DRD2: variants seen among roughly 807,000 people sequenced by gnomAD.
DRD2 encodes the protein dopamine receptor D2, also known as D(2) dopamine receptor.
DRD2 carries 8 observed loss-of-function variants against 38.0 expected under a neutral mutation model. The ratio of observed to expected loss-of-function variants is 0.21; its 90% CI spans 0.12 to 0.38. DRD2 has a LOEUF of 0.38. Ranked by LOEUF, DRD2 falls within the 10% of genes least tolerant of loss-of-function variation. The probability of loss-of-function intolerance (pLI) is 1.00; values close to 1 mark genes in which losing one functional copy is unlikely to be tolerated. For synonymous variants in DRD2, 230 were observed against 238.6 expected, an observed-to-expected ratio of 0.96 and a Z score of 0.33; for missense variants, 403 against 607.7, an observed-to-expected ratio of 0.66 and a Z score of 3.54.
At chr11:113,433,239 A>AG (rs1202130567) in intron 1 of DRD2, among the ~76,000 whole-genome samples, 7 of 152,174 alleles carry the variant, frequency 4.6e-5, no homozygotes, top group Non-Finnish European at 8.8e-5. Context: ...CCGAGTGCAC[A>AG]GGGGAGTGGG....
chr11:113,433,604 C>T (rs1276063827), intron 1 of DRD2, among the ~76,000 whole-genome samples: 1 of 152,194 alleles, frequency 6.6e-6, no homozygotes, highest in African/African-American at 2.4e-5. Flanking sequence ...CAGCAGAGCT[C>T]AGGGACCGCG....
intron 1 of DRD2, among the ~76,000 whole-genome samples, chr11:113,445,333 T>C (rs1485647842): frequency 2.0e-5 from 3 of 152,228 alleles, no homozygotes; most frequent in African/African-American, 4.8e-5. Context: ...CATCACTCTG[T>C]GGTTATATAA....
chr11:113,465,997 A>C (rs1951365427), intron 1 of DRD2, among the ~76,000 whole-genome samples: 1 of 152,206 alleles, frequency 6.6e-6, no homozygotes, highest in Non-Finnish European at 1.5e-5. Context: ...CACAAAACCC[A>C]ATCAGGTAAG....
At chr11:113,434,890 G>C (rs1018127650) in intron 1 of DRD2, among the ~76,000 whole-genome samples, 7 of 152,086 alleles carry the variant, frequency 4.6e-5, no homozygotes, top group African/African-American at 9.7e-5. Context: ...GTGTCCCCAG[G>C]GGGAGGCTGG....
chr11:113,457,018 G>C (rs1455186393), intron 1 of DRD2, among the ~76,000 whole-genome samples: 1 of 152,132 alleles, frequency 6.6e-6, no homozygotes, highest in Non-Finnish European at 1.5e-5. Context: ...GGGCCTCCAT[G>C]TGCAGCATTT....
chr11:113,456,361 ATAGT>A (rs1414726453), intron 1 of DRD2, among the ~76,000 whole-genome samples: 4 of 152,214 alleles, frequency 2.6e-5, no homozygotes, highest in African/African-American at 9.6e-5. Flanking sequence ...CAACATGACT[ATAGT>A]TAGTAATGAC....
At chr11:113,414,246 G>A in intron 6 of DRD2, 129 bp downstream of exon 6, 1 of 871,496 alleles carries the variant, frequency 1.1e-6, no homozygotes, top group South Asian at 1.3e-5. Context: ...TCTGCCTTCA[G>A]CTGAGGCAAG....
chr11:113,445,379 A>G (rs911280744), intron 1 of DRD2, among the ~76,000 whole-genome samples: 1 of 152,212 alleles, frequency 6.6e-6, no homozygotes, highest in Non-Finnish European at 1.5e-5. Flanking sequence ...TGAAGGGTAT[A>G]GGGGAACTCT....
chr11:113,422,945 G>A (rs910831881), intron 2 of DRD2, among the ~76,000 whole-genome samples: 1 of 152,116 alleles, frequency 6.6e-6, no homozygotes. Flanking sequence ...TTCCTCTCCT[G>A]CTCAGGGAAG....
chr11:113,412,868 C>T lies in DRD2; in HGVS notation c.826G>A (p.Ala276Thr), dbSNP rs762084233. The T allele has an allele frequency of 1.2e-6, 2 of 1,611,878 alleles. No homozygotes were observed. Among genetic ancestry groups the T allele is most frequent in the Non-Finnish European group, 1.7e-6 (2 of 1,179,816 alleles). ...NRRRVEAARRAQELEMEMLSS... is the reference protein window; with the variant it reads ...NRRRVEAARRTQELEMEMLSS... Reference sequence around the variant, plus strand: ...AGCATCTCCATCTCCAGCTCCTGGGCTCGCCGGGCAGCCTCCTGCACCAGA... The same window carrying T: ...AGCATCTCCATCTCCAGCTCCTGGGTTCGCCGGGCAGCCTCCTGCACCAGA... Residue 276 changes from alanine (A) to threonine (T), a missense_variant, in exon 7 of 8, where the codon GCC (alanine) becomes ACC (threonine). By Grantham distance (58) the Ala-to-Thr change is moderately conservative (BLOSUM62 0). Coordinates refer to ENST00000362072, the MANE Select transcript of DRD2 (RefSeq NM_000795.4).
chr11:113,464,915 T>A (rs923950439), intron 1 of DRD2, among the ~76,000 whole-genome samples: 10 of 152,174 alleles, frequency 6.6e-5, no homozygotes, highest in Non-Finnish European at 1.5e-4. Context: ...CCCCTCATCC[T>A]CCATAGCCCA....
chr11:113,458,647 G>T (rs1269931072), intron 1 of DRD2, among the ~76,000 whole-genome samples: 1 of 152,132 alleles, frequency 6.6e-6, no homozygotes, highest in African/African-American at 2.4e-5. Flanking sequence ...TTTGATTATT[G>T]TGTGTGTGTG....
intron 1 of DRD2, among the ~76,000 whole-genome samples, chr11:113,468,348 C>A (rs962641599): frequency 1.3e-5 from 2 of 152,098 alleles, no homozygotes; most frequent in African/African-American, 4.8e-5. Context: ...TGATATATGT[C>A]ATTCATAAAA....
At chr11:113,414,192 C>A in intron 6 of DRD2, 183 bp downstream of exon 6, 2 of 716,982 alleles carry the variant, frequency 2.8e-6, no homozygotes, top group South Asian at 1.5e-5. Flanking sequence ...CTTGCAGAAC[C>A]GAGGTGTCTC....
intron 1 of DRD2, among the ~76,000 whole-genome samples, chr11:113,439,685 C>T (rs1470013059): frequency 6.6e-6 from 1 of 150,922 alleles, no homozygotes; most frequent in African/African-American, 2.4e-5. Flanking sequence ...ACTAAAAATA[C>T]AAAAATTAGC....
At chr11:113,429,314 GGCTCACT>G (rs1316343425) in intron 1 of DRD2, among the ~76,000 whole-genome samples, 3 of 151,888 alleles carry the variant, frequency 2.0e-5, no homozygotes, top group Non-Finnish European at 4.4e-5. Flanking sequence ...GGGCTATCTC[GGCTCACT>G]GCAAGCTCCG....
At chr11:113,425,500 G>A (rs1392179778) in intron 1 of DRD2, among the ~76,000 whole-genome samples, 1 of 152,192 alleles carries the variant, frequency 6.6e-6, no homozygotes, top group Admixed American at 6.5e-5. Flanking sequence ...GGCCTTAAAA[G>A]TCATGCTAGG....
At chr11:113,416,725 G>A (rs1292141429) in intron 4 of DRD2, 138 bp downstream of exon 4, 10 of 1,313,350 alleles carry the variant, frequency 7.6e-6, no homozygotes, top group Middle Eastern at 2.0e-4. Flanking sequence ...ACGTAGCCTG[G>A]ACTCAGTCCA....
intron 1 of DRD2, among the ~76,000 whole-genome samples, chr11:113,458,036 G>A (rs1269355638): frequency 6.6e-6 from 1 of 152,232 alleles, no homozygotes; most frequent in Non-Finnish European, 1.5e-5. Context: ...TGTTGAAAAG[G>A]AATTCAAAGG....
Sources: allele counts gnomAD v4.1 joint callset (sites outside exome capture counted in the v4.1 genomes callset), GRCh38; gene constraint gnomAD v4.1.1; transcripts MANE v1.5; gene names NCBI Gene and HGNC (gene_info 2026-07-23, HGNC 2026-07-21).